GRM8: variants seen among roughly 807,000 people sequenced by gnomAD.
GRM8 encodes glutamate metabotropic receptor 8, also known as metabotropic glutamate receptor 8.
GRM8 carries 47 observed loss-of-function variants against 87.2 expected under a neutral mutation model. That is an observed-to-expected ratio of 0.54 (90% CI 0.43 to 0.69). The LOEUF is 0.69. Among genes scored for constraint, GRM8 ranks in the 30% least tolerant of loss-of-function variants. GRM8 has a pLI of 0.00. For synonymous variants in GRM8, 396 were observed against 404.5 expected, an observed-to-expected ratio of 0.98 and a Z score of 0.25; for missense variants, 1,019 against 1,139.2, an observed-to-expected ratio of 0.89 and a Z score of 1.52.
intron 2 of GRM8, among the ~76,000 whole-genome samples, chr7:127,207,332 A>G (rs1202560197): frequency 1.3e-5 from 2 of 152,214 alleles, no homozygotes; most frequent in Admixed American, 6.5e-5. Flanking sequence ...ATCAAATAAT[A>G]TTAACCAGCA....
At chr7:126,825,798 C>T (rs1008825808) in intron 6 of GRM8, among the ~76,000 whole-genome samples, 4 of 151,822 alleles carry the variant, frequency 2.6e-5, no homozygotes, top group Non-Finnish European at 5.9e-5. Flanking sequence ...TATACATGTG[C>T]CATGCTGGTG....
rs17865429 is a variant in GRM8 at position 127,202,012 on chromosome 7, C to T, written c.510+40683G>A. Among the ~76,000 whole-genome samples, 505 of 152,220 alleles carry T rather than the reference C, an allele frequency of 3.3e-3. 15 individuals carry two copies. The East Asian group carries it at 0.074, about 22-fold the overall frequency. ...TGCTGCCTTTAAAGAGTTGTATCTT[C>T]AGAGAAGCCAAAATTCACTGCTGAA... On this transcript the variant is annotated intron_variant, in intron 2 of 10. Transcript: ENST00000339582.
At chr7:126,932,554 T>C (rs1346770046) in intron 3 of GRM8, among the ~76,000 whole-genome samples, 1 of 152,048 alleles carries the variant, frequency 6.6e-6, no homozygotes, top group Non-Finnish European at 1.5e-5. Context: ...CCTTAAAGAG[T>C]ACACTATCTT....
At chr7:127,076,649 T>A (rs1822294160) in intron 3 of GRM8, among the ~76,000 whole-genome samples, 1 of 152,128 alleles carries the variant, frequency 6.6e-6, no homozygotes, top group Admixed American at 6.5e-5. Context: ...CAAGACCTGG[T>A]AGGGACCGCC....
At chr7:127,142,507 T>C (rs1443255015) in intron 2 of GRM8, among the ~76,000 whole-genome samples, 1 of 152,178 alleles carries the variant, frequency 6.6e-6, no homozygotes, top group African/African-American at 2.4e-5. Context: ...AATGACCTAT[T>C]AAGGTTCTCT....
At chr7:126,675,558 T>G (rs1285576183) in intron 7 of GRM8, among the ~76,000 whole-genome samples, 1 of 152,218 alleles carries the variant, frequency 6.6e-6, no homozygotes, top group Non-Finnish European at 1.5e-5. Context: ...CAAGTGGGTT[T>G]CATCCTAAGG....
Position 126,877,741 on chromosome 7 carries a change from C to T in GRM8, c.1156+24801G>A, listed in dbSNP as rs185291046. 2.6e-5 allele frequency among the ~76,000 whole-genome samples: 4 copies of T among 152,288 alleles called. No homozygotes were observed. In the East Asian group the frequency reaches 5.8e-4, roughly 22 times the overall value. The stretch of plus-strand genomic sequence containing the variant: ...GAAAGTATGGCAGCCCACCTATGAA[C>T]TCTCAAAGTTGTTTATACTACTGCT... On this transcript the variant is annotated intron_variant, in intron 6 of 10. Coordinates refer to ENST00000339582, the MANE Select transcript of GRM8 (RefSeq NM_000845.3).
chr7:126,740,811 A>G lies in GRM8; in HGVS notation c.1357+29054T>C, dbSNP rs577889937. ...CAGGTATTTTTGTTAACCTGCCATA[A>G]TAAGTAGTAATGTAGAATTTCAAGA... On this transcript the variant is annotated intron_variant, in intron 7 of 10. Coordinates refer to ENST00000339582, the MANE Select transcript of GRM8 (RefSeq NM_000845.3). 5.9e-4 allele frequency among the ~76,000 whole-genome samples: 90 copies of G among 152,290 alleles called. 1 individual carries two copies. The highest frequency in any genetic ancestry group is 2.1e-3 in the African/African-American group (87 of 41,572).
intron 3 of GRM8, among the ~76,000 whole-genome samples, chr7:127,101,676 C>A (rs774008645): frequency 1.3e-5 from 2 of 152,148 alleles, no homozygotes; most frequent in Non-Finnish European, 2.9e-5. Context: ...AACCATAAGC[C>A]AATTAAACCT....
chr7:126,508,832 T>C (rs1348968220), intron 9 of GRM8, among the ~76,000 whole-genome samples: 1 of 152,044 alleles, frequency 6.6e-6, no homozygotes, highest in Non-Finnish European at 1.5e-5. Context: ...AACTTTTCAA[T>C]CCTAGAATGG....
chr7:126,726,953 C>G (rs905440980), intron 7 of GRM8, among the ~76,000 whole-genome samples: 1 of 151,992 alleles, frequency 6.6e-6, no homozygotes, highest in Non-Finnish European at 1.5e-5. Flanking sequence ...TTTACATATT[C>G]TTGATATATC....
chr7:126,455,564 G>A (rs549735463), intron 9 of GRM8, among the ~76,000 whole-genome samples: 1 of 151,858 alleles, frequency 6.6e-6, no homozygotes, highest in South Asian at 2.1e-4. Flanking sequence ...TCCTAGAACA[G>A]CTCTGGCTTT....
chr7:127,225,854 G>A (rs892738359), intron 2 of GRM8, among the ~76,000 whole-genome samples: 19 of 151,914 alleles, frequency 1.3e-4, no homozygotes, highest in African/African-American at 4.1e-4. Flanking sequence ...GTAGTAAACC[G>A]TGTGCTGCTG....
intron 3 of GRM8, among the ~76,000 whole-genome samples, chr7:127,015,064 GAAGAAA>G (rs1352314821): frequency 1.8e-4 from 16 of 87,838 alleles, no homozygotes; most frequent in South Asian, 4.1e-4. Flanking sequence ...AGAAGAAGAA[GAAGAAA>G]GAAAGAAGGA....
chr7:127,047,595 G>A (rs565608410), intron 3 of GRM8, among the ~76,000 whole-genome samples: 199 of 152,190 alleles, frequency 1.3e-3, no homozygotes, highest in Non-Finnish European at 2.0e-3. Context: ...TTAGGAGGCT[G>A]AGGCAGGAGT....
At chr7:127,051,738 G>GA (rs1563454593) in intron 3 of GRM8, among the ~76,000 whole-genome samples, 838 of 13,018 alleles carry the variant, frequency 0.064, 77 homozygotes, top group Non-Finnish European at 0.092. Flanking sequence ...ATAATGTTGA[G>GA]CAAAAAAAAA....
chr7:126,986,525 T>C (rs184005801), intron 3 of GRM8, among the ~76,000 whole-genome samples: 58 of 152,360 alleles, frequency 3.8e-4, no homozygotes, highest in African/African-American at 1.4e-3. Context: ...CTGTTTCTGT[T>C]ATCATAAATG....
intron 7 of GRM8, among the ~76,000 whole-genome samples, chr7:126,741,185 G>A (rs1013996811): frequency 6.6e-6 from 1 of 151,996 alleles, no homozygotes; most frequent in African/African-American, 2.4e-5. Context: ...ATAGATTACT[G>A]GCAGTACTCG....
chr7:126,929,805 A>T (rs1264072436), intron 3 of GRM8, among the ~76,000 whole-genome samples: 1 of 152,140 alleles, frequency 6.6e-6, no homozygotes, highest in African/African-American at 2.4e-5. Context: ...ATACAGAATG[A>T]GTACAGAGAA....
Sources: allele counts gnomAD v4.1 joint callset (sites outside exome capture counted in the v4.1 genomes callset), GRCh38; gene constraint gnomAD v4.1.1; transcripts MANE v1.5; gene names NCBI Gene and HGNC (gene_info 2026-07-23, HGNC 2026-07-21).